Variants in EIF4E3 observed in about 807,000 individuals in gnomAD.
EIF4E3 encodes the protein eukaryotic translation initiation factor 4E family member 3, also known as eukaryotic translation initiation factor 4E type 3.
A neutral mutation model predicts 31.7 loss-of-function variants in EIF4E3; 26 were observed. The ratio of observed to expected loss-of-function variants is 0.82; its 90% CI spans 0.60 to 1.14. The LOEUF (loss-of-function observed/expected upper bound fraction) is 1.14. Among genes scored for constraint, EIF4E3 ranks in the 50% most tolerant of loss-of-function variants. The probability of loss-of-function intolerance (pLI) is 0.00; values close to 1 mark genes in which losing one functional copy is unlikely to be tolerated. For synonymous variants in EIF4E3, 128 were observed against 107.7 expected, an observed-to-expected ratio of 1.19 and a Z score of -1.17; for missense variants, 304 against 270.9, an observed-to-expected ratio of 1.12 and a Z score of -0.86.
chr3:71,719,333 T>G (rs927137954), intron 1 of EIF4E3, among the ~76,000 whole-genome samples: 1 of 152,184 alleles, frequency 6.6e-6, no homozygotes, highest in Non-Finnish European at 1.5e-5. Flanking sequence ...TCTATGGCAT[T>G]TGTTACAAAT....
chr3:71,688,939 G>A (rs186986129), intron 6 of EIF4E3, among the ~76,000 whole-genome samples: 1 of 152,244 alleles, frequency 6.6e-6, no homozygotes, highest in Admixed American at 6.5e-5. Context: ...TCCTTACAGG[G>A]AGGCCTTAGT....
At chr3:71,674,505 A>G (rs1291954967), downstream of EIF4E3, among the ~76,000 whole-genome samples, 2 of 152,184 alleles carry the variant, frequency 1.3e-5, no homozygotes, top group Non-Finnish European at 2.9e-5. Context: ...ATCAACGCAG[A>G]AGTCAAGTGC....
At chr3:71,697,023 A>AT (rs932942493) in intron 3 of EIF4E3, among the ~76,000 whole-genome samples, 1 of 123,310 alleles carries the variant, frequency 8.1e-6, no homozygotes, top group African/African-American at 3.1e-5. Context: ...CGGCCCCTGA[A>AT]TTTTTTTTTA....
At chr3:71,711,244 T>C (rs9848607) in intron 1 of EIF4E3, among the ~76,000 whole-genome samples, 22,355 of 152,266 alleles carry the variant, frequency 0.15, 1,934 homozygotes, top group East Asian at 0.32. Flanking sequence ...TCTCAATTCC[T>C]GCCACCTTTT....
At chr3:71,752,835 C>T (rs908462206) in intron 1 of EIF4E3, among the ~76,000 whole-genome samples, 3 of 152,194 alleles carry the variant, frequency 2.0e-5, no homozygotes, top group Admixed American at 2.0e-4. Context: ...GGGGCTGGTC[C>T]AGGCAGAGGT....
At chr3:71,667,419 A>G in the EIF4E3 span, among the ~76,000 whole-genome samples, 1 of 152,220 alleles carries the variant, frequency 6.6e-6, no homozygotes, top group Non-Finnish European at 1.5e-5. Context: ...AGGCAAGAGG[A>G]AGAAATAAAG....
intron 1 of EIF4E3, among the ~76,000 whole-genome samples, chr3:71,749,765 A>C (rs961165217): frequency 1.3e-5 from 2 of 152,216 alleles, no homozygotes; most frequent in African/African-American, 4.8e-5. Flanking sequence ...GAATAATGGA[A>C]ATTTTCTTAT....
chr3:71,745,583 G>A (rs1041377487), intron 1 of EIF4E3, among the ~76,000 whole-genome samples: 5 of 152,202 alleles, frequency 3.3e-5, no homozygotes, highest in African/African-American at 1.2e-4. Flanking sequence ...AGAGAAAGGA[G>A]ATGAAGGCAA....
At chr3:71,701,697 A>G (rs1449794823) in intron 2 of EIF4E3, among the ~76,000 whole-genome samples, 1 of 152,196 alleles carries the variant, frequency 6.6e-6, no homozygotes, top group African/African-American at 2.4e-5. Flanking sequence ...TTGAATGATA[A>G]TCCTGCTGGG....
intron 1 of EIF4E3, among the ~76,000 whole-genome samples, chr3:71,738,197 G>T (rs977729724): frequency 6.6e-6 from 1 of 152,208 alleles, no homozygotes; most frequent in Non-Finnish European, 1.5e-5. Context: ...CAGACAAGAA[G>T]AGTCTAGTTT....
chr3:71,662,278 G>T, the EIF4E3 span, among the ~76,000 whole-genome samples: 1 of 152,122 alleles, frequency 6.6e-6, no homozygotes, highest in African/African-American at 2.4e-5. Flanking sequence ...ATCACACAGG[G>T]CTGTGGTCTG....
upstream of EIF4E3, chr3:71,754,291 G>A: frequency 8.7e-7 from 1 of 1,149,718 alleles, no homozygotes; most frequent in Non-Finnish European, 1.1e-6. This position sits in a 1 kb window ranked among gnomAD's most constrained non-coding sequence, Gnocchi z 5.8. Flanking sequence ...GCGGCGCGGC[G>A]TGCGGCGGCC....
chr3:71,754,143 A>T (rs890435421), upstream of EIF4E3: 1 of 1,456,482 alleles, frequency 6.9e-7, no homozygotes, highest in Non-Finnish European at 9.1e-7. This position sits in a 1 kb window ranked among gnomAD's most constrained non-coding sequence, Gnocchi z 5.8. Flanking sequence ...GCTGTGCGTG[A>T]GCCTAGCGGG....
At chr3:71,714,598 A>G (rs953187442) in intron 1 of EIF4E3, among the ~76,000 whole-genome samples, 1 of 152,226 alleles carries the variant, frequency 6.6e-6, no homozygotes, top group African/African-American at 2.4e-5. Flanking sequence ...AAAAACACCA[A>G]TGTGCCCAAA....
chr3:71,672,034 G>A (rs1240542298), downstream of EIF4E3, among the ~76,000 whole-genome samples: 1 of 152,088 alleles, frequency 6.6e-6, no homozygotes, highest in Non-Finnish European at 1.5e-5. Flanking sequence ...GGCTTATTTC[G>A]CCCTCTCACA....
rs2048942831 is a variant in EIF4E3, at chr3:71,683,069, T to A, written c.*1613A>T. The A allele has an allele frequency of 6.6e-6, 1 of 151,450 alleles. No homozygotes were observed. Among genetic ancestry groups the A allele is most frequent in the African/African-American group, 2.4e-5 (1 of 41,174 alleles). The allele number at this position is 151,450 out of a possible 1,614,324, so 9.4% of individuals were successfully genotyped here. On this transcript the variant is annotated 3_prime_UTR_variant, in exon 7 of 7. Transcript: ENST00000425534. ...GATATTCTTATACTTCATTTTGAAA[T>A]CACTAAGGAAACTCAAGTTTAGGGA...
intron 1 of EIF4E3, among the ~76,000 whole-genome samples, chr3:71,730,970 C>A (rs1258515191): frequency 1.3e-5 from 2 of 152,150 alleles, no homozygotes; most frequent in Admixed American, 6.5e-5. Context: ...GTGATCCTCC[C>A]ACAACAGCCT....
chr3:71,723,548 T>C (rs752677004), intron 1 of EIF4E3, among the ~76,000 whole-genome samples: 7 of 152,256 alleles, frequency 4.6e-5, no homozygotes, highest in Non-Finnish European at 1.0e-4. Flanking sequence ...GATTGTGTTA[T>C]CTGTAGTATT....
downstream of EIF4E3, among the ~76,000 whole-genome samples, chr3:71,674,884 G>A (rs764096445): frequency 7.9e-5 from 12 of 152,194 alleles, no homozygotes; most frequent in Non-Finnish European, 1.8e-4. Flanking sequence ...CAGATATGTT[G>A]AGGGACTTGC....
Sources: allele counts gnomAD v4.1 joint callset (sites outside exome capture counted in the v4.1 genomes callset), GRCh38; gene constraint gnomAD v4.1.1; non-coding constraint Gnocchi (gnomAD v3.1); transcripts MANE v1.5; gene names NCBI Gene and HGNC (gene_info 2026-07-23, HGNC 2026-07-21).